UBR3: variants seen among roughly 807,000 people sequenced by gnomAD.
UBR3 encodes the protein ubiquitin protein ligase E3 component n-recognin 3.
Under a neutral mutation model 243.2 loss-of-function variants are expected in UBR3, and 85 were observed. The ratio of observed to expected loss-of-function variants is 0.35; its 90% CI spans 0.29 to 0.42. The LOEUF is 0.42. Ranked by LOEUF, UBR3 falls within the 10% of genes least tolerant of loss-of-function variation. UBR3 has a pLI of 1.00. For synonymous variants in UBR3, 748 were observed against 799.8 expected (o/e 0.94, Z 1.09); for missense variants, 1,686 against 2,300.8 (o/e 0.73, Z 5.47).
chr2:169,874,004 A>G (rs975511563), intron 2 of UBR3, among the ~76,000 whole-genome samples: 11 of 152,222 alleles, frequency 7.2e-5, no homozygotes, highest in African/African-American at 2.4e-4. Flanking sequence ...AATGTAGACA[A>G]CGTAAGTACA....
At chr2:169,912,015 T>C (rs1439664143) in intron 10 of UBR3, among the ~76,000 whole-genome samples, 1 of 152,144 alleles carries the variant, frequency 6.6e-6, no homozygotes, top group East Asian at 1.9e-4. Context: ...GAAGCTATAT[T>C]ATAATATCAA....
At chr2:170,005,263 G>T (rs11896247) in intron 27 of UBR3, among the ~76,000 whole-genome samples, 25,071 of 152,152 alleles carry the variant, frequency 0.16, 2,229 homozygotes, top group Admixed American at 0.22. Flanking sequence ...ACCACTTTGG[G>T]ATTGGATGAG....
rs1043872969 is a variant in UBR3, at chr2:169,828,199, G to C, written c.545+147G>C. 7.4e-6 allele frequency: 8 copies of C among 1,085,334 alleles called. No homozygotes were observed. The African/African-American group carries it at 9.8e-5, about 13-fold the overall frequency. The allele number at this position is 1,085,334 out of a possible 1,614,324, so 67.2% of individuals were successfully genotyped here. A position where few individuals can be genotyped will look rare whatever the true frequency, so the allele number is the denominator to read the frequency against. On this transcript the variant is annotated intron_variant, in intron 1 of 38. Transcript: ENST00000272793. ...GCCACAGGGGGATGGAGGTGACTGA[G>C]CTGTCAGCGGTGGAAAGGGGGTGGG...
intron 24 of UBR3, among the ~76,000 whole-genome samples, chr2:169,975,885 CAT>C (rs3083011): frequency 0.02 from 2,992 of 150,626 alleles, 66 homozygotes; most frequent in African/African-American, 0.06. Flanking sequence ...CAATTAAAAA[CAT>C]ATATATATAT....
chr2:169,988,581 G>GC (rs2089133822), intron 25 of UBR3, among the ~76,000 whole-genome samples: 2 of 152,144 alleles, frequency 1.3e-5, no homozygotes, highest in Admixed American at 1.3e-4. Context: ...AAGGTGGGAG[G>GC]ATTGCTTGAG....
At position 169,995,099 on chromosome 2, in the gene UBR3, A is replaced by G. The variant is rs375470052; in HGVS notation, c.3918+643A>G. ...GAAAACATATTAATTTTTTTAATTT[A>G]TAAATTTATAAAGTATATGATAAAG... On this transcript the variant is annotated intron_variant, in intron 26 of 38. Transcript: ENST00000272793. Among the ~76,000 whole-genome samples, 26 of 152,148 alleles carry G rather than the reference A, an allele frequency of 1.7e-4. No individual in the cohort carries two copies. In the East Asian group the frequency reaches 3.1e-3, roughly 18 times the overall value.
rs187281980 is a variant in UBR3 at position 170,011,778 on chromosome 2, C to T, written c.4367+2838C>T. 2.0e-5 allele frequency among the ~76,000 whole-genome samples: 3 copies of T among 152,098 alleles called. No individual in the cohort carries two copies. The East Asian group carries it at 5.8e-4, about 29-fold the overall frequency. On this transcript the variant is annotated intron_variant, in intron 29 of 38. Coordinates refer to ENST00000272793, the MANE Select transcript of UBR3 (RefSeq NM_172070.4). ...AAATGATCTAAAAATTAATCAAAAT[C>T]ATTACATTCAAGTTTCAATATATTT...
chr2:169,859,862 G>C (rs755738526), intron 1 of UBR3, among the ~76,000 whole-genome samples: 27 of 152,160 alleles, frequency 1.8e-4, no homozygotes, highest in Middle Eastern at 6.8e-3. Context: ...GACTACAGGG[G>C]CACGCTACCA....
chr2:169,912,307 C>G (rs1574183696), intron 10 of UBR3, among the ~76,000 whole-genome samples: 2 of 152,134 alleles, frequency 1.3e-5, no homozygotes, highest in South Asian at 4.1e-4. Context: ...CCACTACTAC[C>G]ACTATCTAAT....
chr2:169,931,944 C>G (rs2086149024), intron 18 of UBR3, among the ~76,000 whole-genome samples: 1 of 152,090 alleles, frequency 6.6e-6, no homozygotes, highest in Admixed American at 6.5e-5. Context: ...ACACATTCCA[C>G]ACACAAGATA....
intron 14 of UBR3, among the ~76,000 whole-genome samples, chr2:169,926,171 A>G (rs1220393071): frequency 6.6e-6 from 1 of 152,242 alleles, no homozygotes; most frequent in East Asian, 1.9e-4. Context: ...GTTGGCTTGC[A>G]TGACAGGCAT....
intron 26 of UBR3, among the ~76,000 whole-genome samples, 181 bp downstream of exon 26, chr2:169,994,637 A>G (rs2089415889): frequency 6.6e-6 from 1 of 152,222 alleles, no homozygotes. Context: ...CAGGTAATAA[A>G]TGTGATACCT....
At chr2:170,081,681 T>G in intron 38 of UBR3, 45 bp from the exon 39 acceptor site, 1 of 1,385,704 alleles carries the variant, frequency 7.2e-7, no homozygotes, top group Non-Finnish European at 9.8e-7. Flanking sequence ...GCATGTGAAA[T>G]CTTCCGTGTA....
At chr2:169,831,061 G>GT (rs1287412186) in intron 1 of UBR3, among the ~76,000 whole-genome samples, 3 of 141,078 alleles carry the variant, frequency 2.1e-5, no homozygotes, top group Non-Finnish European at 3.0e-5. Context: ...TGTCTCATAG[G>GT]TAAGTATTAT....
At chr2:169,890,591 A>ATGTG (rs1491405043) in intron 5 of UBR3, among the ~76,000 whole-genome samples, 1 of 102,112 alleles carries the variant, frequency 9.8e-6, no homozygotes, top group Non-Finnish European at 2.0e-5. Flanking sequence ...GTATATATAT[A>ATGTG]TGTATATATA....
chr2:169,890,033 C>T (rs1397479940), intron 5 of UBR3, among the ~76,000 whole-genome samples: 1 of 152,064 alleles, frequency 6.6e-6, no homozygotes, highest in Non-Finnish European at 1.5e-5. Context: ...GAAAATATGT[C>T]ATTATAATGT....
At chr2:170,044,568 T>A (rs1007304033) in intron 32 of UBR3, among the ~76,000 whole-genome samples, 14 of 152,200 alleles carry the variant, frequency 9.2e-5, no homozygotes, top group African/African-American at 3.4e-4. Context: ...TTTCAGGTAT[T>A]CATATTTAGT....
intron 1 of UBR3, among the ~76,000 whole-genome samples, chr2:169,848,407 C>G (rs548795847): frequency 6.7e-6 from 1 of 148,968 alleles, no homozygotes; most frequent in East Asian, 2.0e-4. Context: ...AGTGGTATTG[C>G]CTGGCTTCTC....
rs2081778845 is a variant in UBR3, at chr2:169,827,535, G to A, written c.28G>A (p.Gly10Arg). 8.1e-7 allele frequency: 1 copy of A among 1,232,098 alleles called. No homozygotes were observed. The highest frequency in any genetic ancestry group is 1.0e-6 in the Non-Finnish European group (1 of 989,122). The allele number at this position is 1,232,098 out of a possible 1,614,324, so 76.3% of individuals were successfully genotyped here. A position where few individuals can be genotyped will look rare whatever the true frequency, so the allele number is the denominator to read the frequency against. MAAAAAAAV[G>R]GQQPSQPELP... is the part of the protein sequence containing the mutation. ...GGCGGCGGCGGCCGCGGCGGCCGTC[G>A]GGGGCCAGCAGCCGTCACAGCCCGA... The change falls in exon 1 of 39, where the codon GGG becomes AGG. Residue 10 changes from glycine (G) to arginine (R), a missense_variant. By Grantham distance (125) the Gly-to-Arg change is moderately radical. Coordinates refer to ENST00000272793, the MANE Select transcript of UBR3 (RefSeq NM_172070.4).
Sources: gnomAD v4.1 joint callset for allele counts (sites outside exome capture counted in the v4.1 genomes callset) on GRCh38, gnomAD v4.1.1 for gene constraint, MANE v1.5 for transcripts, NCBI Gene and HGNC (gene_info 2026-07-23, HGNC 2026-07-21) for gene names.